Variants in USP37 observed in about 807,000 individuals in gnomAD.
USP37 encodes ubiquitin specific peptidase 37.
In USP37, 27 loss-of-function variants were observed where a neutral mutation model predicts 124.0. The observed-to-expected ratio is 0.22, with a 90% CI of 0.16 to 0.30. The LOEUF is 0.30. USP37 is among the 10% of genes least tolerant of loss of function. The pLI, the probability that USP37 is intolerant of heterozygous loss-of-function variation, is 1.00. For synonymous variants in USP37, 365 were observed against 388.0 expected, an observed-to-expected ratio of 0.94 and a Z score of 0.70; for missense variants, 889 against 1,140.4, an observed-to-expected ratio of 0.78 and a Z score of 3.17.
rs1693166415 is a variant in USP37 at position 218,558,840 on chromosome 2, C to T, written c.-24-163G>A. The T allele has an allele frequency of 1.1e-5, 5 of 460,554 alleles. No individual in the cohort carries two copies. In the South Asian group the frequency reaches 2.2e-4, roughly 20 times the overall value. The allele number at this position is 460,554 out of a possible 1,614,324, so 28.5% of individuals were successfully genotyped here. A position where few individuals can be genotyped will look rare whatever the true frequency, so the allele number is the denominator to read the frequency against. On this transcript the variant is annotated intron_variant, in intron 3 of 25. Transcript: ENST00000258399. ...TGTCCAGTACTGTATTTATTAGTGCCTAAATTCTACATTTTGTATCATTCA... is the reference window on the plus strand; with the variant it reads ...TGTCCAGTACTGTATTTATTAGTGCTTAAATTCTACATTTTGTATCATTCA...
In USP37 at chr2:218,558,547, A is replaced by C; in HGVS notation, c.107T>G (p.Val36Gly). The change falls in exon 4 of 26, where the codon GTC (valine) becomes GGC (glycine). Residue 36 changes from valine (V) to glycine (G), a missense_variant. By Grantham distance (109) the Val-to-Gly change is moderately radical (BLOSUM62 -3). Coordinates refer to ENST00000258399, the MANE Select transcript of USP37 (RefSeq NM_020935.3). ...SFEIVEKENK[V>G]SLVVHYNTGG... is the part of the protein sequence containing the mutation. ...AGTATTGTAGTGAACTACTAGGCTG[A>C]CTTTATTCTCTTTTTCTACAATTTC... 2 of 1,613,592 alleles carry C rather than the reference A, an allele frequency of 1.2e-6. No homozygotes were observed. Among genetic ancestry groups the C allele is most frequent in the Non-Finnish European group, 1.7e-6 (2 of 1,179,842 alleles).
intron 11 of USP37, among the ~76,000 whole-genome samples, chr2:218,505,833 T>C (rs955342129): frequency 6.6e-6 from 1 of 151,388 alleles, no homozygotes; most frequent in Non-Finnish European, 1.5e-5. Context: ...GAGACTTTTA[T>C]TTCAGTGAAG....
chr2:218,553,633 G>C lies in USP37; in HGVS notation c.248C>G (p.Ser83Cys), dbSNP rs1692786381. ...MLTLQDNSFLSIDKVPSKDAE... is the reference protein window; with the variant it reads ...MLTLQDNSFLCIDKVPSKDAE... Reference sequence around the variant, plus strand: ...ATCCTTACTTGGTACTTTGTCAATAGACAAGAAGCTGTTATCTTGCAGAGT... The same window carrying C: ...ATCCTTACTTGGTACTTTGTCAATACACAAGAAGCTGTTATCTTGCAGAGT... The change falls in exon 5 of 26, where the codon TCT becomes TGT. Residue 83 changes from serine to cysteine, a missense_variant. Coordinates refer to ENST00000258399, the MANE Select transcript of USP37 (RefSeq NM_020935.3). The C allele has an allele frequency of 6.2e-7, 1 of 1,613,958 alleles. No individual in the cohort carries two copies. Among genetic ancestry groups the C allele is most frequent in the Non-Finnish European group, 8.5e-7 (1 of 1,179,934 alleles).
At chr2:218,543,654 T>C (rs950862424) in intron 8 of USP37, among the ~76,000 whole-genome samples, 5 of 148,824 alleles carry the variant, frequency 3.4e-5, no homozygotes, top group African/African-American at 1.0e-4. Context: ...CTACTAAAAA[T>C]ACAAAAAATA....
intron 10 of USP37, among the ~76,000 whole-genome samples, chr2:218,525,935 C>G (rs1466993195): frequency 6.6e-6 from 1 of 152,162 alleles, no homozygotes; most frequent in Non-Finnish European, 1.5e-5. Flanking sequence ...TGAGAACATG[C>G]AGTATTTGGT....
At chr2:218,531,668 G>C (rs1411520693) in intron 9 of USP37, among the ~76,000 whole-genome samples, 1 of 152,220 alleles carries the variant, frequency 6.6e-6, no homozygotes, top group Non-Finnish European at 1.5e-5. Flanking sequence ...CTTCTGGAAA[G>C]AATTTATCAT....
chr2:218,558,717 T>A, intron 3 of USP37, 40 bp from the exon 4 acceptor site: 3 of 1,429,780 alleles, frequency 2.1e-6, no homozygotes, highest in Non-Finnish European at 2.8e-6. Context: ...CCTGGCAGGT[T>A]CTAAGGAAGA....
chr2:218,468,676 TGCCC>T (rs1690504697), intron 20 of USP37, among the ~76,000 whole-genome samples: 1 of 152,186 alleles, frequency 6.6e-6, no homozygotes, highest in Non-Finnish European at 1.5e-5. Flanking sequence ...GCTCTTTACC[TGCCC>T]TAGTACTGTA....
At chr2:218,554,164 G>A (rs1277408593) in intron 4 of USP37, among the ~76,000 whole-genome samples, 1 of 152,106 alleles carries the variant, frequency 6.6e-6, no homozygotes, top group Non-Finnish European at 1.5e-5. Context: ...TAAACATTAA[G>A]CAAAAGGACA....
At chr2:218,517,604 T>C (rs1690369368) in intron 10 of USP37, among the ~76,000 whole-genome samples, 1 of 152,224 alleles carries the variant, frequency 6.6e-6, no homozygotes, top group Non-Finnish European at 1.5e-5. Context: ...ATATTTTTGC[T>C]CCTTTGAAGC....
chr2:218,475,419 C>T (rs921887851), intron 19 of USP37, among the ~76,000 whole-genome samples: 1 of 151,246 alleles, frequency 6.6e-6, no homozygotes, highest in African/African-American at 2.4e-5. Context: ...GCCAACATGG[C>T]GAAAACCCGT....
chr2:218,502,827 AT>A (rs1689458911), intron 11 of USP37, among the ~76,000 whole-genome samples: 2 of 152,302 alleles, frequency 1.3e-5, no homozygotes, highest in South Asian at 4.1e-4. Context: ...TGACCCAAGG[AT>A]TTTACATCCA....
intron 11 of USP37, among the ~76,000 whole-genome samples, chr2:218,507,547 T>G (rs1432277253): frequency 6.6e-6 from 1 of 152,216 alleles, no homozygotes; most frequent in Admixed American, 6.5e-5. Flanking sequence ...AATATTTTGA[T>G]TCATGCTTCT....
chr2:218,559,717 A>C (rs2106060464), intron 3 of USP37, among the ~76,000 whole-genome samples: 1 of 152,256 alleles, frequency 6.6e-6, no homozygotes, highest in African/African-American at 2.4e-5. Context: ...AAAAAGAAAA[A>C]ATGGCCGGAC....
chr2:218,525,551 A>C (rs889272492), intron 10 of USP37, among the ~76,000 whole-genome samples: 1 of 152,190 alleles, frequency 6.6e-6, no homozygotes, highest in African/African-American at 2.4e-5. Flanking sequence ...TAGGTATAGA[A>C]GTTTTTGATA....
chr2:218,455,140 G>GT, intron 25 of USP37, 123 bp from the exon 26 acceptor site: 1 of 1,157,944 alleles, frequency 8.6e-7, no homozygotes, highest in Non-Finnish European at 1.2e-6. Flanking sequence ...TTTCATGCCT[G>GT]TATTTTATTT....
chr2:218,516,548 G>A (rs1690294552), intron 10 of USP37, among the ~76,000 whole-genome samples: 1 of 152,000 alleles, frequency 6.6e-6, no homozygotes, highest in African/African-American at 2.4e-5. Context: ...CAGGGGATGG[G>A]GGGCAAGGGG....
At chr2:218,493,960 T>C (rs1361401096) in intron 14 of USP37, among the ~76,000 whole-genome samples, 1 of 152,240 alleles carries the variant, frequency 6.6e-6, no homozygotes, top group African/African-American at 2.4e-5. Flanking sequence ...GCCTCTCACT[T>C]TGACTTGCAC....
chr2:218,547,001 C>A lies in USP37; in HGVS notation c.520G>T (p.Val174Leu). Residue 174 changes from valine to leucine, a missense_variant, in exon 7 of 26, where the codon GTA becomes TTA. Physicochemically the swap from Val to Leu is conservative, Grantham distance 32. This residue lies in a region of USP37 where 374 missense variants were observed against 386.0 expected (regional missense o/e 0.97). Transcript: ENST00000258399. The part of the protein sequence containing the change: ...GNPGRGSIKT[V>L]AGSGIARTIP... ...GTCCGAGCTATTCCACTTCCTGCTA[C>A]AGTCTTAATCGATCCTCTACCCGGA... The A allele has an allele frequency of 6.2e-7, 1 of 1,613,824 alleles. No homozygotes were observed. Among genetic ancestry groups the A allele is most frequent in the Non-Finnish European group, 8.5e-7 (1 of 1,179,936 alleles).
Sources: allele counts gnomAD v4.1 joint callset (sites outside exome capture counted in the v4.1 genomes callset), GRCh38; gene constraint gnomAD v4.1.1; regional missense constraint gnomAD v4.1.1; transcripts MANE v1.5; gene names NCBI Gene and HGNC (gene_info 2026-07-23, HGNC 2026-07-21).